The following ANKS1B variants were observed in gnomAD, a reference collection of about 807,000 sequenced individuals.
ANKS1B encodes ankyrin repeat and sterile alpha motif domain containing 1B.
ANKS1B carries 36 observed loss-of-function variants against 148.3 expected under a neutral mutation model. The observed-to-expected ratio is 0.24, with a 90% confidence interval of 0.19 to 0.32. The LOEUF (loss-of-function observed/expected upper bound fraction) is 0.32, where lower values mean the gene tolerates loss of function less well. ANKS1B is among the 10% of genes least tolerant of loss of function. The pLI is 1.00. For missense variants in ANKS1B, 1,157 were observed against 1,542.6 expected (o/e 0.75, Z 4.19); for synonymous variants, 542 against 560.8 (o/e 0.97, Z 0.47).
chr12:98,978,992 A>G (rs138228672), intron 17 of ANKS1B, among the ~76,000 whole-genome samples: 3,241 of 151,824 alleles, frequency 0.021, 123 homozygotes, highest in African/African-American at 0.074. Context: ...AATGCAAAAA[A>G]TTAGCCAGGC....
chr12:99,324,751 G>C (rs1292379667), intron 12 of ANKS1B, among the ~76,000 whole-genome samples: 1 of 152,086 alleles, frequency 6.6e-6, no homozygotes. Context: ...CTTTTCAAGA[G>C]AGTCAGTCTG....
chr12:99,708,630 C>T (rs548642798), intron 8 of ANKS1B, among the ~76,000 whole-genome samples: 1 of 152,232 alleles, frequency 6.6e-6, no homozygotes, highest in South Asian at 2.1e-4. Flanking sequence ...TCAAAGCCAA[C>T]AGTTTAGTAT....
intron 8 of ANKS1B, among the ~76,000 whole-genome samples, chr12:99,726,502 A>C (rs1223918788): frequency 6.6e-6 from 1 of 152,212 alleles, no homozygotes; most frequent in African/African-American, 2.4e-5. Context: ...ATAGTCTACC[A>C]ACCAAGAAAA....
chr12:99,035,571 A>G (rs989758461), intron 17 of ANKS1B, among the ~76,000 whole-genome samples: 1 of 152,192 alleles, frequency 6.6e-6, no homozygotes, highest in African/African-American at 2.4e-5. Context: ...CCATGTTTAC[A>G]TGCTAAATAA....
intron 3 of ANKS1B, among the ~76,000 whole-genome samples, chr12:99,809,931 T>C (rs998020714): frequency 1.3e-5 from 2 of 152,042 alleles, no homozygotes; most frequent in African/African-American, 4.8e-5. Context: ...TTACGGTCAA[T>C]CTACTCTATC....
chr12:99,116,257 G>C (rs1257199173), intron 15 of ANKS1B, among the ~76,000 whole-genome samples: 1 of 152,174 alleles, frequency 6.6e-6, no homozygotes, highest in Non-Finnish European at 1.5e-5. Flanking sequence ...TTCCTCATTG[G>C]TGCTACCTTG....
intron 11 of ANKS1B, among the ~76,000 whole-genome samples, chr12:99,434,229 A>C (rs1044927983): frequency 5.9e-5 from 9 of 152,140 alleles, no homozygotes; most frequent in African/African-American, 2.2e-4. Flanking sequence ...AAAGGGAAGG[A>C]TAGACTATAT....
downstream of ANKS1B, among the ~76,000 whole-genome samples, chr12:98,739,742 T>C (rs1364382274): frequency 6.6e-6 from 1 of 152,162 alleles, no homozygotes; most frequent in Non-Finnish European, 1.5e-5. Context: ...TACAAGGCTT[T>C]TGTGGGGCTT....
At chr12:99,423,927 C>T (rs555282338) in intron 11 of ANKS1B, among the ~76,000 whole-genome samples, 1 of 151,938 alleles carries the variant, frequency 6.6e-6, no homozygotes, top group East Asian at 1.9e-4. Flanking sequence ...CTGTATAACC[C>T]CCCCACCCCG....
chr12:99,153,492 A>T (rs574352157), intron 15 of ANKS1B, among the ~76,000 whole-genome samples: 1 of 152,030 alleles, frequency 6.6e-6, no homozygotes, highest in African/African-American at 2.4e-5. Context: ...GCACTGGGGG[A>T]GGTATGGGAA....
chr12:99,287,456 A>G (rs1188599859), intron 12 of ANKS1B, among the ~76,000 whole-genome samples: 2 of 152,174 alleles, frequency 1.3e-5, no homozygotes, highest in Non-Finnish European at 2.9e-5. Flanking sequence ...ATAAGCTCAG[A>G]CTGCAAAGAC....
At chr12:99,925,552 A>G (rs775918815) in intron 1 of ANKS1B, among the ~76,000 whole-genome samples, 4 of 152,144 alleles carry the variant, frequency 2.6e-5, no homozygotes, top group Non-Finnish European at 5.9e-5. Flanking sequence ...TGGGTGTGAT[A>G]GTTATCAATG....
chr12:99,694,269 C>T (rs1000514401), intron 8 of ANKS1B, among the ~76,000 whole-genome samples: 15 of 150,686 alleles, frequency 1.0e-4, no homozygotes, highest in Non-Finnish European at 1.6e-4. Context: ...TGAAACCCTG[C>T]CTCTATTAAA....
intron 8 of ANKS1B, among the ~76,000 whole-genome samples, chr12:99,692,016 TAGG>T (rs2098681769): frequency 6.6e-6 from 1 of 152,132 alleles, no homozygotes; most frequent in Non-Finnish European, 1.5e-5. Flanking sequence ...GATAAATTGT[TAGG>T]AGATTAGGTT....
chr12:99,715,855 A>G (rs1440674197), intron 8 of ANKS1B, among the ~76,000 whole-genome samples: 3 of 152,030 alleles, frequency 2.0e-5, no homozygotes, highest in African/African-American at 7.2e-5. Flanking sequence ...CTTAATTTCA[A>G]TTGCTTTCAT....
intron 1 of ANKS1B, among the ~76,000 whole-genome samples, chr12:99,943,604 C>T (rs2094974366): frequency 6.6e-6 from 1 of 152,056 alleles, no homozygotes; most frequent in Admixed American, 6.5e-5. Context: ...AAGAGAACTC[C>T]CCTTTATAAA....
chr12:99,786,234 G>C (rs550365468), intron 4 of ANKS1B, among the ~76,000 whole-genome samples: 1 of 152,186 alleles, frequency 6.6e-6, no homozygotes, highest in East Asian at 1.9e-4. Flanking sequence ...GGATTGCGAG[G>C]GGAAAGAAAT....
At chr12:99,735,989 A>G (rs2059585592) in intron 8 of ANKS1B, among the ~76,000 whole-genome samples, 3 of 152,050 alleles carry the variant, frequency 2.0e-5, no homozygotes, top group Admixed American at 6.6e-5. Context: ...AATATATCAC[A>G]TCAACAGAAT....
chr12:99,928,831 C>T (rs1472977163), intron 1 of ANKS1B, among the ~76,000 whole-genome samples: 1 of 152,098 alleles, frequency 6.6e-6, no homozygotes, highest in Non-Finnish European at 1.5e-5. Flanking sequence ...TTCACTCTTA[C>T]TAATTTTACC....
Sources: allele counts gnomAD v4.1 joint callset (sites outside exome capture counted in the v4.1 genomes callset), GRCh38; gene constraint gnomAD v4.1.1; transcripts MANE v1.5; gene names NCBI Gene and HGNC (gene_info 2026-07-23, HGNC 2026-07-21).